MCM3AP: variants seen among roughly 807,000 people sequenced by gnomAD.
MCM3AP encodes minichromosome maintenance complex component 3 associated protein.
MCM3AP carries 126 observed loss-of-function variants against 184.1 expected under a neutral mutation model. The observed-to-expected ratio is 0.68, with a 90% CI of 0.59 to 0.79. MCM3AP has a LOEUF of 0.79. Ranked by LOEUF, MCM3AP falls within the 30% of genes least tolerant of loss-of-function variation. The probability of loss-of-function intolerance (pLI) is 0.00; values close to 1 mark genes in which losing one functional copy is unlikely to be tolerated. For synonymous variants in MCM3AP, 1,002 were observed against 979.3 expected, an observed-to-expected ratio of 1.02 and a Z score of -0.43; for missense variants, 2,496 against 2,479.2, an observed-to-expected ratio of 1.01 and a Z score of -0.14.
chr21:46,238,254 TATTTA>T (rs1453104749), intron 26 of MCM3AP, among the ~76,000 whole-genome samples: 1 of 121,100 alleles, frequency 8.3e-6, no homozygotes, highest in African/African-American at 3.3e-5. Flanking sequence ...TGGCTTATCT[TATTTA>T]ATTTACTTTG....
Position 46,254,531 on chromosome 21 carries a change from G to A in MCM3AP, c.4002-5C>T. 4 of 1,613,930 alleles carry A rather than the reference G, an allele frequency of 2.5e-6. No individual in the cohort carries two copies. The highest frequency in any genetic ancestry group is 1.7e-5 in the Admixed American group (1 of 60,032). ...AGAGACGCCCATGCCACATCACTGGGAGGAACAGACCACCGTGGATTAGCC... is the reference window on the plus strand; with the variant it reads ...AGAGACGCCCATGCCACATCACTGGAAGGAACAGACCACCGTGGATTAGCC... On this transcript the variant is annotated splice_region_variant and splice_polypyrimidine_tract_variant and intron_variant, in intron 18 of 27. Transcript: ENST00000291688.
intron 25 of MCM3AP, chr21:46,241,897 A>G (rs1356380783): frequency 6.6e-6 from 1 of 152,190 alleles, no homozygotes; most frequent in Non-Finnish European, 1.5e-5. Flanking sequence ...AACAGTTTTT[A>G]GAGTATCATG....
At position 46,237,463 on chromosome 21, in the gene MCM3AP, G is replaced by A. The variant is rs2123798856; in HGVS notation, c.5634-484C>T. 3.9e-5 allele frequency among the ~76,000 whole-genome samples: 2 copies of A among 51,776 alleles called. 1 individual carries two copies. Among genetic ancestry groups the A allele is most frequent in the Non-Finnish European group, 7.9e-5 (2 of 25,196 alleles). 34.0% of individuals were successfully genotyped at this position (51,776 alleles called of 152,430 possible). ...TCTGTTGGCCAGGCCGGAGTGCAGT[G>A]TTACAATCTTGGCTCACTGCAACCT... On this transcript the variant is annotated intron_variant, in intron 26 of 27. Coordinates refer to ENST00000291688, the MANE Select transcript of MCM3AP (RefSeq NM_003906.5).
intron 20 of MCM3AP, 148 bp downstream of exon 20, chr21:46,251,381 A>T: frequency 1.7e-6 from 1 of 590,484 alleles, no homozygotes; most frequent in Non-Finnish European, 2.8e-6. Flanking sequence ...AACGACATGT[A>T]CGGACAGACA....
At chr21:46,244,702 C>G in intron 23 of MCM3AP, 105 bp downstream of exon 23, 1 of 1,227,232 alleles carries the variant, frequency 8.1e-7, no homozygotes, top group South Asian at 1.5e-5. Context: ...GGACGTGCAG[C>G]CCTCACACTG....
Position 46,284,598 on chromosome 21 carries a change from T to C in MCM3AP, c.689A>G (p.Asn230Ser). The C allele has an allele frequency of 1.2e-6, 2 of 1,614,250 alleles. No homozygotes were observed. Among genetic ancestry groups the C allele is most frequent in the Non-Finnish European group, 1.7e-6 (2 of 1,180,042 alleles). ...AGGTCCTCTCTTCTCTTCCTCTACA[T>C]TTTGGTTTGACAAAGCAGGGGTAAA... ...SAFTPALSNQNVEEEKRGPKS... is the reference protein window; with the variant it reads ...SAFTPALSNQSVEEEKRGPKS... The change falls in exon 1 of 28, where the codon AAT (asparagine) becomes AGT (serine). Residue 230 changes from asparagine to serine, a missense_variant. By Grantham distance (46) the Asn-to-Ser change is conservative (BLOSUM62 1). This residue lies in a region of MCM3AP where 800 missense variants were observed against 717.1 expected (regional missense o/e 1.12). Coordinates refer to ENST00000291688, the MANE Select transcript of MCM3AP (RefSeq NM_003906.5).
rs746236337 is a variant in MCM3AP, at chr21:46,284,561, A to C, written c.726T>G (p.Phe242Leu). The C allele has an allele frequency of 6.2e-7, 1 of 1,614,212 alleles. No individual in the cohort carries two copies. The highest frequency in any genetic ancestry group is 1.1e-5 in the South Asian group (1 of 91,090). Residue 242 changes from phenylalanine (F) to leucine (L), a missense_variant, in exon 1 of 28, where the codon TTT becomes TTG. Around this residue, in one of 5 missense-constraint regions of MCM3AP, gnomAD observed 800 missense variants for 717.1 expected, o/e 1.12. Coordinates refer to ENST00000291688, the MANE Select transcript of MCM3AP (RefSeq NM_003906.5). ...TACTGAAGCTATTATTAGAACTTCC[A>C]AATATTGACTTAGGTCCTCTCTTCT... The part of the protein sequence containing the change: ...EEEKRGPKSI[F>L]GSSNNSFSSF...
At chr21:46,268,460 ACAAACACAT>A in intron 9 of MCM3AP, among the ~76,000 whole-genome samples, 1 of 152,362 alleles carries the variant, frequency 6.6e-6, no homozygotes, top group East Asian at 1.9e-4. Flanking sequence ...GCCACAGAAA[ACAAACACAT>A]CAAACACACA....
Position 46,285,451 on chromosome 21 carries a change from G to A in MCM3AP, c.-165C>T, listed in dbSNP as rs1218496328. Reference sequence around the variant, plus strand: ...ATGTTCTGCTACAAGTCTAAGAAAAGAATTTTTGAACACTGTCATACTAAA... The same window carrying A: ...ATGTTCTGCTACAAGTCTAAGAAAAAAATTTTTGAACACTGTCATACTAAA... On this transcript the variant is annotated 5_prime_UTR_variant, in exon 1 of 28. Transcript: ENST00000291688. 1.7e-6 allele frequency: 1 copy of A among 600,026 alleles called. No individual in the cohort carries two copies. The highest frequency in any genetic ancestry group is 2.9e-6 in the Non-Finnish European group (1 of 339,186). The allele number at this position is 600,026 out of a possible 1,614,324, so 37.2% of individuals were successfully genotyped here.
Position 46,242,860 on chromosome 21 carries a change from A to G in MCM3AP, c.5368T>C (p.Leu1790=). 1.2e-6 allele frequency: 2 copies of G among 1,613,374 alleles called. No individual in the cohort carries two copies. Among genetic ancestry groups the G allele is most frequent in the Non-Finnish European group, 1.7e-6 (2 of 1,179,426 alleles). ...KNDLKKYDVP[L]SWEQARLQTQ... is the part of the protein sequence containing the mutation. ...TGCAACCTGGCTTGTTCCCACGACA[A>G]AGGAACATCATATTTTTTCAAATCG... Residue 1790 remains leucine (L), a synonymous_variant, in exon 25 of 28, where the codon TTG becomes CTG. Transcript: ENST00000291688.
Position 46,265,507 on chromosome 21 carries a change from C to G in MCM3AP, c.3048G>C (p.Glu1016Asp). Residue 1016 changes from glutamate (E) to aspartate (D), a missense_variant, in exon 12 of 28, where the codon GAG becomes GAC. Around this residue, in one of 5 missense-constraint regions of MCM3AP, gnomAD observed 1,323 missense variants for 1,273.4 expected, o/e 1.04. Coordinates refer to ENST00000291688, the MANE Select transcript of MCM3AP (RefSeq NM_003906.5). ...GTGCATCCGGCTCTACACCACACTC[C>G]TCTCCTCTCCCTCCGCCTGGAAGGA... ...GSDTVGGGRGEECGVEPDAPL... is the reference protein window; with the variant it reads ...GSDTVGGGRGDECGVEPDAPL... 1 of 1,599,536 alleles carries G rather than the reference C, an allele frequency of 6.3e-7. No individual in the cohort carries two copies. The highest frequency in any genetic ancestry group is 8.5e-7 in the Non-Finnish European group (1 of 1,172,834).
chr21:46,250,181 T>C (rs1412309471), intron 20 of MCM3AP: 2 of 152,194 alleles, frequency 1.3e-5, no homozygotes, highest in African/African-American at 4.8e-5. Context: ...AAAAAATAAT[T>C]GTGGTTATAG....
chr21:46,269,649 T>G (rs1400392462), intron 9 of MCM3AP, among the ~76,000 whole-genome samples: 1 of 152,066 alleles, frequency 6.6e-6, no homozygotes, highest in Non-Finnish European at 1.5e-5. Flanking sequence ...CCAGGCAGCA[T>G]CCTCCCCACG....
At chr21:46,244,707 A>T in intron 23 of MCM3AP, 100 bp downstream of exon 23, 1 of 1,314,518 alleles carries the variant, frequency 7.6e-7, no homozygotes, top group Non-Finnish European at 1.1e-6. Context: ...TGCAGCCCTC[A>T]CACTGGTGCC....
chr21:46,264,147 G>A lies in MCM3AP; in HGVS notation c.3305C>T (p.Ala1102Val), dbSNP rs142784252. The A allele has an allele frequency of 9.1e-4, 1,462 of 1,613,818 alleles. 2 individuals are homozygous for A. Among genetic ancestry groups the A allele is most frequent in the Middle Eastern group, 2.0e-3 (12 of 6,030 alleles). The change falls in exon 13 of 28, where the codon GCG becomes GTG. Residue 1102 changes from alanine to valine, a missense_variant. Physicochemically the swap from Ala to Val is moderately conservative, Grantham distance 64. Coordinates refer to ENST00000291688, the MANE Select transcript of MCM3AP (RefSeq NM_003906.5). The part of the protein sequence containing the change: ...LQRDCEEVGS[A>V]GAAYAAAALG... ...GGCGGCAGCTGCGTAGGCAGCACCC[G>A]CAGAGCCAACTTCCTCACAGTCCCT... is the stretch of plus-strand genomic sequence containing the variant.
intron 8 of MCM3AP, among the ~76,000 whole-genome samples, chr21:46,271,295 G>A (rs1297640937): frequency 1.3e-5 from 2 of 148,950 alleles, no homozygotes; most frequent in East Asian, 3.9e-4. Context: ...CCAAAGTGCT[G>A]TGATAACAGG....
In MCM3AP at chr21:46,270,119, G is replaced by C. The variant is rs2081161490; in HGVS notation, c.2628+282C>G. On this transcript the variant is annotated intron_variant, in intron 9 of 27. Coordinates refer to ENST00000291688, the MANE Select transcript of MCM3AP (RefSeq NM_003906.5). ...TTTTGCTTTTTAGTTAGCTTTCATGGATGATGATAGTGCTGAATTCAACCT... is the reference window on the plus strand; with the variant it reads ...TTTTGCTTTTTAGTTAGCTTTCATGCATGATGATAGTGCTGAATTCAACCT... The C allele has an allele frequency of 1.4e-5, 4 of 283,290 alleles. No homozygotes were observed. The East Asian group carries it at 2.3e-4, about 17-fold the overall frequency. 17.5% of individuals were successfully genotyped at this position (283,290 alleles called of 1,614,324 possible). A position where few individuals can be genotyped will look rare whatever the true frequency, so the allele number is the denominator to read the frequency against.
At position 46,236,941 on chromosome 21, in the gene MCM3AP, G is replaced by A; in HGVS notation, c.5672C>T (p.Ser1891Leu). Residue 1891 changes from serine (S) to leucine (L), a missense_variant, in exon 27 of 28, where the codon TCA becomes TTA. Transcript: ENST00000291688. ...GGAAGTTAAATCCGTAAATGCTCCTGAGTCTTCAGACAACCATTGCTGAAG... is the reference window on the plus strand; with the variant it reads ...GGAAGTTAAATCCGTAAATGCTCCTAAGTCTTCAGACAACCATTGCTGAAG... Reference protein sequence around the residue: ...DQLQQWLSEDSGAFTDLTSLP... With the variant: ...DQLQQWLSEDLGAFTDLTSLP... 1.3e-6 allele frequency: 2 copies of A among 1,566,748 alleles called. No individual in the cohort carries two copies. The highest frequency in any genetic ancestry group is 1.7e-6 in the Non-Finnish European group (2 of 1,163,644).
intron 19 of MCM3AP, chr21:46,253,828 G>T: frequency 6.4e-6 from 1 of 156,122 alleles, no homozygotes. Flanking sequence ...TCATGAAAGT[G>T]AGCCTCGCGA....
Sources: gnomAD v4.1 joint callset for allele counts (sites outside exome capture counted in the v4.1 genomes callset) on GRCh38, gnomAD v4.1.1 for gene constraint, gnomAD v4.1.1 regional missense constraint, MANE v1.5 for transcripts, NCBI Gene and HGNC (gene_info 2026-07-23, HGNC 2026-07-21) for gene names.